PRKG1: variants seen among roughly 807,000 people sequenced by gnomAD.
PRKG1 encodes the protein cGMP-dependent protein kinase 1.
In PRKG1, 35 loss-of-function variants were observed where a neutral mutation model predicts 88.1. The observed-to-expected ratio is 0.40, with a 90% CI of 0.30 to 0.53. The LOEUF is 0.53. Ranked by LOEUF, PRKG1 falls within the 20% of genes least tolerant of loss-of-function variation. The probability of loss-of-function intolerance (pLI) is 0.59; values close to 1 mark genes in which losing one functional copy is unlikely to be tolerated. For missense variants in PRKG1, 540 were observed against 839.8 expected, an observed-to-expected ratio of 0.64 and a Z score of 4.41; for synonymous variants, 303 against 292.5, an observed-to-expected ratio of 1.04 and a Z score of -0.37.
At chr10:51,051,646 A>G (rs1399964144) in intron 1 of PRKG1, among the ~76,000 whole-genome samples, 1 of 152,250 alleles carries the variant, frequency 6.6e-6, no homozygotes, top group African/African-American at 2.4e-5. Context: ...ACTGGCCTTT[A>G]CTTAAAAATA....
chr10:51,077,523 A>AT (rs1040879403), intron 1 of PRKG1, among the ~76,000 whole-genome samples: 2 of 152,090 alleles, frequency 1.3e-5, no homozygotes, highest in Admixed American at 6.6e-5. Flanking sequence ...GAGGATTATA[A>AT]TTTTTTTTAG....
At chr10:51,639,940 T>A (rs189512949) in intron 3 of PRKG1, among the ~76,000 whole-genome samples, 107 of 152,344 alleles carry the variant, frequency 7.0e-4, no homozygotes, top group South Asian at 1.7e-3. Context: ...TGCATGACTA[T>A]CAGTCAGTGA....
At chr10:52,169,845 A>T (rs569330476) in intron 9 of PRKG1, among the ~76,000 whole-genome samples, 1 of 152,346 alleles carries the variant, frequency 6.6e-6, no homozygotes, top group African/African-American at 2.4e-5. Context: ...ATAGAGATGT[A>T]AGCATGTTAA....
At chr10:51,179,916 A>C (rs1405131068) in intron 2 of PRKG1, among the ~76,000 whole-genome samples, 3 of 152,212 alleles carry the variant, frequency 2.0e-5, no homozygotes, top group African/African-American at 7.2e-5. Context: ...AATAGTCCCT[A>C]CCACAAAATC....
chr10:51,515,814 G>A (rs1432106148), intron 3 of PRKG1, among the ~76,000 whole-genome samples: 3 of 152,148 alleles, frequency 2.0e-5, no homozygotes, highest in Non-Finnish European at 4.4e-5. Flanking sequence ...GAGTACAGGA[G>A]CAAATGAGGG....
At chr10:51,921,002 T>A (rs777305461) in intron 5 of PRKG1, among the ~76,000 whole-genome samples, 2 of 152,088 alleles carry the variant, frequency 1.3e-5, no homozygotes, top group South Asian at 2.1e-4. Flanking sequence ...TAATTTACCA[T>A]AGAGTGTTGT....
At chr10:51,982,945 G>T (rs1368296724) in intron 5 of PRKG1, among the ~76,000 whole-genome samples, 1 of 152,188 alleles carries the variant, frequency 6.6e-6, no homozygotes, top group Non-Finnish European at 1.5e-5. Context: ...GGGAGTCCCT[G>T]CTGGCAACTG....
At chr10:52,252,768 T>C (rs1394579472) in intron 10 of PRKG1, 3 of 151,830 alleles carry the variant, frequency 2.0e-5, no homozygotes, top group Non-Finnish European at 2.9e-5. Flanking sequence ...TGGTTGGAGA[T>C]ACTGTAGTAA....
At chr10:51,151,403 G>A (rs1054954033) in intron 1 of PRKG1, among the ~76,000 whole-genome samples, 3 of 151,610 alleles carry the variant, frequency 2.0e-5, no homozygotes, top group Admixed American at 6.6e-5. Context: ...TTTATTCCTC[G>A]GTCTTCACAT....
intron 7 of PRKG1, among the ~76,000 whole-genome samples, chr10:52,075,216 G>A (rs1049062393): frequency 6.6e-6 from 1 of 152,152 alleles, no homozygotes; most frequent in East Asian, 1.9e-4. Context: ...AGATAAATTT[G>A]TAAAAGATGT....
intron 3 of PRKG1, among the ~76,000 whole-genome samples, chr10:51,701,022 C>CA (rs1224489608): frequency 6.6e-6 from 1 of 151,774 alleles, no homozygotes; most frequent in Non-Finnish European, 1.5e-5. Flanking sequence ...TGATCAAATA[C>CA]AAAAAAAGTA....
chr10:52,245,884 G>T (rs1194505), intron 9 of PRKG1, among the ~76,000 whole-genome samples: 45,373 of 151,524 alleles, frequency 0.3, 7,074 homozygotes, highest in South Asian at 0.39. Flanking sequence ...GGCTATATTT[G>T]CCTTTTGTTC....
rs1844730806 is a variant in PRKG1 at position 52,006,132 on chromosome 10, C to T, written c.763-48352C>T. ...AACAAGTCTATCAAAAAGACAGCAA[C>T]TTCAAAGATTGAAGGAACATCATCA... On this transcript the variant is annotated intron_variant, in intron 5 of 17. Transcript: ENST00000373980. Among the ~76,000 whole-genome samples the T allele has an allele frequency of 2.6e-5, 4 of 151,998 alleles. No individual in the cohort carries two copies. In the South Asian group the frequency reaches 8.3e-4, roughly 32 times the overall value.
At chr10:52,118,790 T>C (rs1314921707) in intron 7 of PRKG1, among the ~76,000 whole-genome samples, 2 of 152,082 alleles carry the variant, frequency 1.3e-5, no homozygotes, top group Admixed American at 6.6e-5. Flanking sequence ...ATAAAGTCAC[T>C]AAAAATTTTT....
chr10:52,033,558 C>T (rs1845525157), intron 5 of PRKG1, among the ~76,000 whole-genome samples: 1 of 152,200 alleles, frequency 6.6e-6, no homozygotes, highest in African/African-American at 2.4e-5. Flanking sequence ...AGTCTGTCCT[C>T]CAGTTTTATG....
chr10:51,684,514 A>G (rs577885748), intron 3 of PRKG1, among the ~76,000 whole-genome samples: 1 of 152,292 alleles, frequency 6.6e-6, no homozygotes, highest in East Asian at 1.9e-4. Context: ...AAAAGACACC[A>G]TGGGAAAAAT....
rs1016639788 is a variant in PRKG1 at position 51,908,600 on chromosome 10, AT to A, written c.762+1031del. The A allele has an allele frequency of 8.0e-4, 121 of 151,534 alleles. 1 individual carries two copies. The highest frequency in any genetic ancestry group is 3.4e-3 in the Middle Eastern group (1 of 292). The allele number at this position is 151,534 out of a possible 1,614,324, so 9.4% of individuals were successfully genotyped here. On this transcript the variant is annotated intron_variant, in intron 5 of 17. Coordinates refer to ENST00000373980, the MANE Select transcript of PRKG1 (RefSeq NM_006258.4). ...TTGTTGTGGCTGCTGTGTTGAAAAA[AT>A]AAATAAAGAAGCTGCTACAATAATC...
intron 2 of PRKG1, among the ~76,000 whole-genome samples, chr10:51,390,568 G>A (rs1837369639): frequency 6.6e-6 from 1 of 152,166 alleles, no homozygotes; most frequent in Admixed American, 6.5e-5. Context: ...TTGCAACACT[G>A]CATAATACTT....
intron 9 of PRKG1, among the ~76,000 whole-genome samples, chr10:52,182,886 T>C (rs1839079705): frequency 1.3e-5 from 2 of 152,188 alleles, no homozygotes; most frequent in Admixed American, 6.5e-5. Flanking sequence ...CTCACAGCTC[T>C]TCTACCTGTA....
Sources: gnomAD v4.1 joint callset for allele counts (sites outside exome capture counted in the v4.1 genomes callset) on GRCh38, gnomAD v4.1.1 for gene constraint, MANE v1.5 for transcripts, NCBI Gene and HGNC (gene_info 2026-07-23, HGNC 2026-07-21) for gene names.